GALNT13: variants seen among roughly 807,000 people sequenced by gnomAD.
GALNT13 encodes UDP-GalNAc:polypeptide N-acetylgalactosaminyltransferase 13.
In GALNT13, 28 loss-of-function variants were observed where a neutral mutation model predicts 64.2. The ratio of observed to expected loss-of-function variants is 0.44; its 90% CI spans 0.32 to 0.60. GALNT13 has a LOEUF of 0.60. Among genes scored for constraint, GALNT13 ranks in the 20% least tolerant of loss-of-function variants. GALNT13 has a pLI of 0.05. For missense variants in GALNT13, 577 were observed against 669.8 expected, an observed-to-expected ratio of 0.86 and a Z score of 1.53; for synonymous variants, 214 against 224.6, an observed-to-expected ratio of 0.95 and a Z score of 0.42.
At chr2:153,890,621 G>T (rs1225068954) in intron 1 of GALNT13, among the ~76,000 whole-genome samples, 1 of 152,056 alleles carries the variant, frequency 6.6e-6, no homozygotes, top group Non-Finnish European at 1.5e-5. Flanking sequence ...GTCTCCCTCT[G>T]TAAGGCTAAA....
At chr2:153,400,266 G>C in the GALNT13 span, among the ~76,000 whole-genome samples, 3 of 151,902 alleles carry the variant, frequency 2.0e-5, no homozygotes, top group East Asian at 5.8e-4. Context: ...TGCATCCCAG[G>C]GATGAAGCCC....
At chr2:153,917,829 CT>C (rs1689485715) in intron 2 of GALNT13, among the ~76,000 whole-genome samples, 1 of 151,480 alleles carries the variant, frequency 6.6e-6, no homozygotes, top group Non-Finnish European at 1.5e-5. Flanking sequence ...AAGGGTTCAA[CT>C]GATAGAGAGG....
chr2:153,983,756 A>C (rs980998965), intron 3 of GALNT13, among the ~76,000 whole-genome samples: 1 of 152,036 alleles, frequency 6.6e-6, no homozygotes. Context: ...CATGCTGTTT[A>C]ACATGTGGCA....
At chr2:154,394,003 G>A (rs982716101) in intron 9 of GALNT13, among the ~76,000 whole-genome samples, 3 of 144,646 alleles carry the variant, frequency 2.1e-5, no homozygotes, top group Middle Eastern at 3.5e-3. Flanking sequence ...GCGTGAACCC[G>A]GGAGGCGGAG....
the GALNT13 span, among the ~76,000 whole-genome samples, chr2:153,696,631 T>G: frequency 6.6e-6 from 1 of 152,126 alleles, no homozygotes; most frequent in African/African-American, 2.4e-5. Context: ...AACAATATGT[T>G]GTAATATAAG....
At chr2:154,173,337 T>C (rs1019770573) in intron 4 of GALNT13, among the ~76,000 whole-genome samples, 18 of 151,654 alleles carry the variant, frequency 1.2e-4, no homozygotes, top group Non-Finnish European at 2.9e-5. Flanking sequence ...TTTAATTTGA[T>C]TTTTTAATTA....
chr2:153,096,162 T>C, the GALNT13 span, among the ~76,000 whole-genome samples: 1 of 152,190 alleles, frequency 6.6e-6, no homozygotes, highest in Non-Finnish European at 1.5e-5. Context: ...TTCCATGTAC[T>C]TGTATAATTT....
chr2:154,105,844 T>C (rs1477311866), intron 3 of GALNT13, among the ~76,000 whole-genome samples: 1 of 152,216 alleles, frequency 6.6e-6, no homozygotes, highest in Non-Finnish European at 1.5e-5. Flanking sequence ...TTTTATTTTA[T>C]TTCAATTAAT....
At chr2:154,214,439 C>G (rs1687937371) in intron 4 of GALNT13, among the ~76,000 whole-genome samples, 1 of 152,092 alleles carries the variant, frequency 6.6e-6, no homozygotes, top group Admixed American at 6.6e-5. Context: ...CATTCCAGTT[C>G]ATAATTAGGG....
At chr2:153,999,916 G>T (rs1279483717) in intron 3 of GALNT13, among the ~76,000 whole-genome samples, 3 of 151,898 alleles carry the variant, frequency 2.0e-5, no homozygotes. Context: ...TTAAATGTTT[G>T]TTAGAATTCA....
At chr2:154,170,301 A>T (rs998111789) in intron 4 of GALNT13, among the ~76,000 whole-genome samples, 3 of 152,148 alleles carry the variant, frequency 2.0e-5, no homozygotes, top group Admixed American at 2.0e-4. Context: ...ACCCTCACAG[A>T]TATGCCCAGA....
At chr2:154,152,647 T>C (rs1684116689) in intron 4 of GALNT13, among the ~76,000 whole-genome samples, 2 of 152,168 alleles carry the variant, frequency 1.3e-5, no homozygotes, top group African/African-American at 4.8e-5. Flanking sequence ...TTCTTTTTTC[T>C]CTAAACTTCC....
chr2:153,882,794 A>G (rs762011270), intron 1 of GALNT13, among the ~76,000 whole-genome samples: 3 of 151,712 alleles, frequency 2.0e-5, no homozygotes, highest in Non-Finnish European at 4.4e-5. Context: ...ACACCCAGCT[A>G]ACTTTTATAA....
intron 11 of GALNT13, among the ~76,000 whole-genome samples, chr2:154,430,675 A>T (rs1700670194): frequency 6.6e-6 from 1 of 152,196 alleles, no homozygotes; most frequent in African/African-American, 2.4e-5. Flanking sequence ...ACCATGAGTA[A>T]AATGCTATCA....
chr2:153,281,116 C>T, the GALNT13 span, among the ~76,000 whole-genome samples: 2 of 152,110 alleles, frequency 1.3e-5, no homozygotes, highest in African/African-American at 4.8e-5. Context: ...TATATTATGT[C>T]TTTCTTTGTC....
intron 8 of GALNT13, among the ~76,000 whole-genome samples, chr2:154,261,097 C>T (rs1293233455): frequency 6.6e-6 from 1 of 152,008 alleles, no homozygotes; most frequent in African/African-American, 2.4e-5. Flanking sequence ...AGGACCTGAT[C>T]AGGAAATGTA....
intron 2 of GALNT13, 135 bp from the exon 3 acceptor site, chr2:153,944,259 T>C: frequency 2.6e-6 from 1 of 381,510 alleles, no homozygotes; most frequent in Non-Finnish European, 4.7e-6. Context: ...ATTTAGGCTT[T>C]TAATTTTGGA....
intron 4 of GALNT13, among the ~76,000 whole-genome samples, chr2:154,197,993 TA>T (rs930896607): frequency 4.6e-5 from 7 of 150,572 alleles, no homozygotes; most frequent in Non-Finnish European, 1.0e-4. Flanking sequence ...TCACACAAAT[TA>T]AAAAAGAAAA....
the GALNT13 span, among the ~76,000 whole-genome samples, chr2:153,317,434 G>A: frequency 6.6e-6 from 1 of 152,068 alleles, no homozygotes; most frequent in Admixed American, 6.6e-5. Flanking sequence ...CTTTAATCAA[G>A]TAAACTGTAA....
Sources: allele counts gnomAD v4.1 joint callset (sites outside exome capture counted in the v4.1 genomes callset), GRCh38; gene constraint gnomAD v4.1.1; transcripts MANE v1.5; gene names NCBI Gene and HGNC (gene_info 2026-07-23, HGNC 2026-07-21).